Variants in WDR7 observed in about 807,000 individuals in gnomAD.
WDR7 encodes WD repeat domain 7.
A neutral mutation model predicts 169.4 loss-of-function variants in WDR7; 46 were observed. The observed-to-expected ratio is 0.27, with a 90% confidence interval of 0.21 to 0.35. The LOEUF (loss-of-function observed/expected upper bound fraction) is 0.35, where lower values mean the gene tolerates loss of function less well. WDR7 is among the 10% of genes least tolerant of loss of function. The probability of loss-of-function intolerance (pLI) is 1.00; values close to 1 mark genes in which losing one functional copy is unlikely to be tolerated. For synonymous variants in WDR7, 612 were observed against 666.8 expected, an observed-to-expected ratio of 0.92 and a Z score of 1.27; for missense variants, 1,534 against 1,859.3, an observed-to-expected ratio of 0.83 and a Z score of 3.22.
At chr18:57,020,266 A>G (rs546107612) in intron 26 of WDR7, among the ~76,000 whole-genome samples, 12 of 152,370 alleles carry the variant, frequency 7.9e-5, no homozygotes, top group Admixed American at 7.8e-4. Context: ...AGCATAAAGC[A>G]TGAGCAGTGT....
At chr18:56,776,965 A>C (rs1201756208) in intron 17 of WDR7, 85 bp downstream of exon 17, 35 of 1,257,472 alleles carry the variant, frequency 2.8e-5, no homozygotes, top group Non-Finnish European at 1.2e-6. Flanking sequence ...TTACACATTC[A>C]TCTGCTTTGT....
chr18:56,746,350 T>C (rs2043703083), intron 14 of WDR7, among the ~76,000 whole-genome samples: 1 of 152,170 alleles, frequency 6.6e-6, no homozygotes, highest in Non-Finnish European at 1.5e-5. Context: ...AAGTGATATT[T>C]TCTCAGGCAA....
intron 15 of WDR7, among the ~76,000 whole-genome samples, chr18:56,758,512 T>G (rs1267131195): frequency 6.6e-6 from 1 of 152,220 alleles, no homozygotes; most frequent in Non-Finnish European, 1.5e-5. Context: ...TGAATGTTTT[T>G]AATCTATCTT....
intron 14 of WDR7, among the ~76,000 whole-genome samples, chr18:56,733,689 TCA>T (rs1555683177): frequency 6.6e-6 from 1 of 152,222 alleles, no homozygotes; most frequent in Non-Finnish European, 1.5e-5. Flanking sequence ...GATTTTTTTC[TCA>T]CAGTAGAAGA....
chr18:56,708,007 G>C (rs978276886), intron 12 of WDR7, among the ~76,000 whole-genome samples: 2 of 151,492 alleles, frequency 1.3e-5, no homozygotes. Context: ...TGTATCAGAG[G>C]TGTGTGAATT....
chr18:56,915,122 G>A (rs938234911), intron 21 of WDR7, among the ~76,000 whole-genome samples: 3 of 152,142 alleles, frequency 2.0e-5, no homozygotes. Flanking sequence ...TGCAGTACAG[G>A]ATATAAAAAG....
At chr18:56,887,782 A>G (rs1005133884) in intron 21 of WDR7, among the ~76,000 whole-genome samples, 3 of 152,070 alleles carry the variant, frequency 2.0e-5, no homozygotes, top group Non-Finnish European at 4.4e-5. Context: ...TAAATTTATC[A>G]GTTTAAATCT....
rs145582863 is a variant in WDR7 at position 57,004,866 on chromosome 18, G to A, written c.4165-15879G>A. Among the ~76,000 whole-genome samples the A allele has an allele frequency of 4.6e-3, 693 of 152,212 alleles. 6 individuals carry two copies. Among genetic ancestry groups the A allele is most frequent in the African/African-American group, 0.016 (662 of 41,538 alleles). ...TTCATAGCTGGAACAGGAAGTATGA[G>A]TCAGATTTCTCAGTGAAGTCTAAAC... is the stretch of plus-strand genomic sequence containing the variant. On this transcript the variant is annotated intron_variant, in intron 26 of 27. Coordinates refer to ENST00000254442, the MANE Select transcript of WDR7 (RefSeq NM_015285.3).
At chr18:56,728,019 T>G (rs1211236543) in intron 13 of WDR7, among the ~76,000 whole-genome samples, 1 of 152,242 alleles carries the variant, frequency 6.6e-6, no homozygotes, top group African/African-American at 2.4e-5. Context: ...TTTGAATATT[T>G]CTGGCCAGTC....
At chr18:56,858,422 T>C (rs1011099468) in intron 20 of WDR7, among the ~76,000 whole-genome samples, 1 of 152,218 alleles carries the variant, frequency 6.6e-6, no homozygotes, top group Non-Finnish European at 1.5e-5. Context: ...CTTAGCCTGG[T>C]ATAGAAGACC....
chr18:56,744,672 C>T (rs1198684282), intron 14 of WDR7, among the ~76,000 whole-genome samples: 1 of 152,106 alleles, frequency 6.6e-6, no homozygotes, highest in Non-Finnish European at 1.5e-5. Context: ...CTGAAATCAC[C>T]TAGGGATCTT....
chr18:57,020,904 T>TA lies in WDR7; in HGVS notation c.4269+56dup, dbSNP rs2048280502. The TA allele has an allele frequency of 2.0e-6, 3 of 1,529,900 alleles. No homozygotes were observed. The Admixed American group carries it at 5.2e-5, about 26-fold the overall frequency. The allele number at this position is 1,529,900 out of a possible 1,614,324, so 94.8% of individuals were successfully genotyped here. A position where few individuals can be genotyped will look rare whatever the true frequency, so the allele number is the denominator to read the frequency against. On this transcript the variant is annotated intron_variant, in intron 27 of 27. Coordinates refer to ENST00000254442, the MANE Select transcript of WDR7 (RefSeq NM_015285.3). Reference sequence around the variant, plus strand: ...CATATACTGCGTGATATGCCTTTGGTAGTAAGCCTTCCTGTTGAGCCTACC... The same window carrying TA: ...CATATACTGCGTGATATGCCTTTGGTAAGTAAGCCTTCCTGTTGAGCCTACC...
intron 2 of WDR7, among the ~76,000 whole-genome samples, chr18:56,678,409 CCTT>C (rs1397644926): frequency 6.6e-6 from 1 of 152,118 alleles, no homozygotes; most frequent in Non-Finnish European, 1.5e-5. Context: ...TTGTACCTGT[CCTT>C]CTTGGGAAGG....
intron 22 of WDR7, among the ~76,000 whole-genome samples, chr18:56,926,303 C>T (rs925875976): frequency 1.3e-5 from 2 of 152,162 alleles, no homozygotes; most frequent in African/African-American, 2.4e-5. Flanking sequence ...CATGTGCACC[C>T]GCCACACATC....
chr18:56,954,515 A>G (rs1326293405), intron 25 of WDR7, among the ~76,000 whole-genome samples: 1 of 152,160 alleles, frequency 6.6e-6, no homozygotes, highest in Non-Finnish European at 1.5e-5. Context: ...ACTATATGTG[A>G]AGATCAATAT....
At chr18:56,881,660 G>C (rs1303737154) in intron 21 of WDR7, among the ~76,000 whole-genome samples, 4 of 151,940 alleles carry the variant, frequency 2.6e-5, no homozygotes, top group Non-Finnish European at 5.9e-5. Context: ...ACCCAGGCTG[G>C]AGTGCAGTGG....
At chr18:56,674,573 C>CCTTAA (rs2025203908) in intron 2 of WDR7, among the ~76,000 whole-genome samples, 2 of 151,938 alleles carry the variant, frequency 1.3e-5, no homozygotes, top group African/African-American at 4.8e-5. Flanking sequence ...GATACAAATC[C>CCTTAA]CTTAACAGAT....
chr18:56,706,877 G>A (rs1402732468), intron 12 of WDR7, among the ~76,000 whole-genome samples: 1 of 151,648 alleles, frequency 6.6e-6, no homozygotes, highest in African/African-American at 2.4e-5. Context: ...TAGTAGAGAC[G>A]GGGTTTCACC....
chr18:56,727,830 A>G (rs1326040574), intron 13 of WDR7, among the ~76,000 whole-genome samples: 1 of 152,174 alleles, frequency 6.6e-6, no homozygotes, highest in Non-Finnish European at 1.5e-5. Flanking sequence ...CCAGGAAGTT[A>G]ATTACCATTG....
Sources: gnomAD v4.1 joint callset for allele counts (sites outside exome capture counted in the v4.1 genomes callset) on GRCh38, gnomAD v4.1.1 for gene constraint, MANE v1.5 for transcripts, NCBI Gene and HGNC (gene_info 2026-07-23, HGNC 2026-07-21) for gene names.